The following BMP5 variants were observed in gnomAD, a reference collection of about 807,000 sequenced individuals.
BMP5 encodes bone morphogenetic protein 5.
A neutral mutation model predicts 46.6 loss-of-function variants in BMP5; 23 were observed. That is an observed-to-expected ratio of 0.49 (90% confidence interval 0.35 to 0.70). The LOEUF is 0.70. Among genes scored for constraint, BMP5 ranks in the 30% least tolerant of loss-of-function variants. The pLI is 0.00. For missense variants in BMP5, 545 were observed against 565.6 expected (o/e 0.96, Z 0.37); for synonymous variants, 204 against 191.9 (o/e 1.06, Z -0.52).
rs182343424 is a variant in BMP5 at position 55,851,764 on chromosome 6, C to T, written c.490+22612G>A. On this transcript the variant is annotated intron_variant, in intron 1 of 6. Coordinates refer to ENST00000370830, the MANE Select transcript of BMP5 (RefSeq NM_021073.4). ...ACTTGTCATGGCCACAGTGTTAATA[C>T]TCTGATTAGATGTCATAGAAAGCAC... Among the ~76,000 whole-genome samples the T allele has an allele frequency of 1.5e-3, 225 of 152,228 alleles. 3 individuals are homozygous for T. Among genetic ancestry groups the T allele is most frequent in the African/African-American group, 5.2e-3 (218 of 41,532 alleles).
At chr6:55,767,334 T>C (rs1774937477) in intron 4 of BMP5, among the ~76,000 whole-genome samples, 1 of 152,022 alleles carries the variant, frequency 6.6e-6, no homozygotes, top group South Asian at 2.1e-4. Context: ...ATAAAACCAA[T>C]TATAATGTTC....
At chr6:55,842,518 T>C (rs1369194997) in intron 1 of BMP5, among the ~76,000 whole-genome samples, 1 of 152,118 alleles carries the variant, frequency 6.6e-6, no homozygotes, top group Non-Finnish European at 1.5e-5. Context: ...CCTTTATTTA[T>C]AGTGTCTTTC....
intron 2 of BMP5, among the ~76,000 whole-genome samples, chr6:55,812,273 C>CA (rs1301253665): frequency 6.6e-6 from 1 of 152,046 alleles, no homozygotes; most frequent in Non-Finnish European, 1.5e-5. Context: ...AAATTACACA[C>CA]ATTTAAATAT....
At chr6:55,765,031 A>G (rs753742236) in intron 4 of BMP5, among the ~76,000 whole-genome samples, 6 of 152,202 alleles carry the variant, frequency 3.9e-5, no homozygotes, top group Non-Finnish European at 8.8e-5. Flanking sequence ...TGATCATTAC[A>G]CATTGTATAC....
intron 1 of BMP5, among the ~76,000 whole-genome samples, chr6:55,865,722 A>G (rs2127555022): frequency 6.6e-6 from 1 of 152,320 alleles, no homozygotes; most frequent in Admixed American, 6.5e-5. Flanking sequence ...AGTATATTCT[A>G]GTAGAAATAG....
rs1777703248 is a variant in BMP5 at position 55,868,540 on chromosome 6, A to T, written c.490+5836T>A. Among the ~76,000 whole-genome samples the T allele has an allele frequency of 2.0e-5, 3 of 151,594 alleles. No homozygotes were observed. The South Asian group carries it at 6.2e-4, about 32-fold the overall frequency. On this transcript the variant is annotated intron_variant, in intron 1 of 6. Coordinates refer to ENST00000370830, the MANE Select transcript of BMP5 (RefSeq NM_021073.4). ...TGTTTTTGTTGTTTTTTTCTCCCCA[A>T]ACCACTAAAGACCTTTCTTACTAAT...
rs1024884393 is a variant in BMP5, at chr6:55,754,986, C to A, written c.*547G>T. 1.3e-5 allele frequency: 2 copies of A among 152,356 alleles called. No individual in the cohort carries two copies. Among genetic ancestry groups the A allele is most frequent in the African/African-American group, 4.8e-5 (2 of 41,422 alleles). The allele number at this position is 152,356 out of a possible 1,614,324, so 9.4% of individuals were successfully genotyped here. On this transcript the variant is annotated 3_prime_UTR_variant, in exon 7 of 7. Transcript: ENST00000370830. ...TCTTTCAGCTTCTATGTTCTGCCTA[C>A]CGTTTATTTATTCAAATCCAGTTCA...
chr6:55,808,836 C>CT (rs1047618435), intron 2 of BMP5, among the ~76,000 whole-genome samples: 2 of 152,248 alleles, frequency 1.3e-5, no homozygotes, highest in African/African-American at 4.8e-5. Context: ...ACCTCGGTTG[C>CT]TGGTGTAGGA....
At chr6:55,861,381 C>A (rs1777523605) in intron 1 of BMP5, among the ~76,000 whole-genome samples, 1 of 152,234 alleles carries the variant, frequency 6.6e-6, no homozygotes. Flanking sequence ...TTATTCCAAT[C>A]TCCAACCCTT....
chr6:55,825,027 C>T (rs1469403081), intron 1 of BMP5, among the ~76,000 whole-genome samples: 2 of 151,326 alleles, frequency 1.3e-5, no homozygotes, highest in Non-Finnish European at 3.0e-5. Context: ...TAAAATTATT[C>T]CATTCAAATA....
chr6:55,760,267 A>G (rs1395808350), intron 5 of BMP5, among the ~76,000 whole-genome samples, 190 bp downstream of exon 5: 1 of 151,966 alleles, frequency 6.6e-6, no homozygotes, highest in South Asian at 2.1e-4. Flanking sequence ...TGACTGTGAT[A>G]CCTACTAATC....
chr6:55,842,215 C>G (rs888805814), intron 1 of BMP5, among the ~76,000 whole-genome samples: 2 of 152,042 alleles, frequency 1.3e-5, no homozygotes, highest in African/African-American at 4.8e-5. Flanking sequence ...TTTCTTAGAG[C>G]GGATCTATTT....
chr6:55,829,363 T>A (rs909618919), intron 1 of BMP5, among the ~76,000 whole-genome samples: 2 of 151,852 alleles, frequency 1.3e-5, no homozygotes, highest in Admixed American at 6.6e-5. Context: ...TTTCAGATTT[T>A]TTTTTATTGT....
chr6:55,802,239 G>A lies in BMP5; in HGVS notation c.684-7812C>T, dbSNP rs564263662. 2.6e-5 allele frequency among the ~76,000 whole-genome samples: 4 copies of A among 152,240 alleles called. No individual in the cohort carries two copies. The South Asian group carries it at 8.3e-4, about 32-fold the overall frequency. On this transcript the variant is annotated intron_variant, in intron 2 of 6. Transcript: ENST00000370830. ...GCTAACTCTAGTGTCCATGGCAATA[G>A]TTCTATTAAATTGGAAGTTGAAACA...
At chr6:55,870,662 C>T (rs1223040507) in intron 1 of BMP5, among the ~76,000 whole-genome samples, 1 of 151,932 alleles carries the variant, frequency 6.6e-6, no homozygotes, top group African/African-American at 2.4e-5. Context: ...TTGATTCAGC[C>T]AAAAACAATA....
chr6:55,872,103 A>C (rs1377661262), intron 1 of BMP5, among the ~76,000 whole-genome samples: 1 of 151,782 alleles, frequency 6.6e-6, no homozygotes, highest in African/African-American at 2.4e-5. Context: ...TTTGATTATA[A>C]AAGAAATGCA....
intron 1 of BMP5, among the ~76,000 whole-genome samples, chr6:55,863,992 A>G (rs1320790237): frequency 6.6e-6 from 1 of 152,142 alleles, no homozygotes; most frequent in Non-Finnish European, 1.5e-5. Flanking sequence ...CTCAGAAGGT[A>G]CACCCCCATT....
intron 4 of BMP5, among the ~76,000 whole-genome samples, chr6:55,762,701 G>C (rs1215415098): frequency 6.6e-6 from 1 of 152,024 alleles, no homozygotes; most frequent in Non-Finnish European, 1.5e-5. Context: ...TCTACTATTG[G>C]TTTGATTTCA....
intron 1 of BMP5, among the ~76,000 whole-genome samples, chr6:55,864,430 G>C (rs77849736): frequency 0.01 from 1,568 of 152,250 alleles, 34 homozygotes; most frequent in African/African-American, 0.036. Flanking sequence ...AGAGCAGGCT[G>C]TAATAAGTCC....
Sources: allele counts gnomAD v4.1 joint callset (sites outside exome capture counted in the v4.1 genomes callset), GRCh38; gene constraint gnomAD v4.1.1; transcripts MANE v1.5; gene names NCBI Gene and HGNC (gene_info 2026-07-23, HGNC 2026-07-21).